CCDC178: variants seen among roughly 807,000 people sequenced by gnomAD.
The protein encoded by CCDC178 is coiled-coil domain containing 178.
A neutral mutation model predicts 117.4 loss-of-function variants in CCDC178; 126 were observed. The ratio of observed to expected loss-of-function variants is 1.07; its 90% CI spans 0.93 to 1.24. The LOEUF (loss-of-function observed/expected upper bound fraction) is 1.24, where lower values mean the gene tolerates loss of function less well. Among genes scored for constraint, CCDC178 ranks in the 50% most tolerant of loss-of-function variants. The pLI, the probability that CCDC178 is intolerant of heterozygous loss-of-function variation, is 0.00. For synonymous variants in CCDC178, 283 were observed against 313.4 expected (o/e 0.90, Z 1.02); for missense variants, 1,030 against 986.9 (o/e 1.04, Z -0.59).
chr18:33,231,166 C>T (rs2059363432), intron 15 of CCDC178, among the ~76,000 whole-genome samples: 1 of 152,148 alleles, frequency 6.6e-6, no homozygotes, highest in Non-Finnish European at 1.5e-5. Flanking sequence ...ATGAGACAAA[C>T]ATAGACCATG....
At chr18:33,076,706 G>A (rs904656150) in intron 21 of CCDC178, among the ~76,000 whole-genome samples, 7 of 152,104 alleles carry the variant, frequency 4.6e-5, no homozygotes, top group South Asian at 2.1e-4. Context: ...GGGAGGAGGC[G>A]GTAGTGCATC....
intron 21 of CCDC178, among the ~76,000 whole-genome samples, chr18:33,056,491 A>C (rs1296727376): frequency 6.6e-6 from 1 of 152,194 alleles, no homozygotes; most frequent in East Asian, 1.9e-4. Context: ...CCCCTATTAA[A>C]AATGATTTTT....
At chr18:33,322,228 T>C (rs551812298) in intron 11 of CCDC178, among the ~76,000 whole-genome samples, 50 of 151,994 alleles carry the variant, frequency 3.3e-4, no homozygotes, top group Non-Finnish European at 5.0e-4. Context: ...AAAAAATTAA[T>C]AAATGGAGCA....
intron 21 of CCDC178, among the ~76,000 whole-genome samples, chr18:32,995,000 T>C (rs113839754): frequency 7.9e-4 from 121 of 152,350 alleles, no homozygotes; most frequent in African/African-American, 2.6e-3. Flanking sequence ...ATTTTGATGA[T>C]AGCAGCTCAG....
At chr18:33,415,870 G>T (rs891640343) in intron 2 of CCDC178, among the ~76,000 whole-genome samples, 16 of 152,086 alleles carry the variant, frequency 1.1e-4, no homozygotes, top group Non-Finnish European at 1.9e-4. Context: ...AGACTGAAAG[G>T]TGTAGAGAAG....
chr18:32,938,106 G>A lies in CCDC178; in HGVS notation c.2524-15C>T. The stretch of plus-strand genomic sequence containing the variant: ...GAAGATTCCTCCTGTTCAGAAGCAA[G>A]AAACAAACAAAATCAATAAGTACTC... On this transcript the variant is annotated splice_polypyrimidine_tract_variant and intron_variant, in intron 22 of 22. Transcript: ENST00000383096. 1.3e-6 allele frequency: 2 copies of A among 1,578,618 alleles called. No individual in the cohort carries two copies. Among genetic ancestry groups the A allele is most frequent in the Non-Finnish European group, 1.7e-6 (2 of 1,148,172 alleles).
At chr18:33,258,131 C>A (rs1313079238) in intron 14 of CCDC178, among the ~76,000 whole-genome samples, 1 of 151,942 alleles carries the variant, frequency 6.6e-6, no homozygotes, top group Non-Finnish European at 1.5e-5. Context: ...TTAAATGCAC[C>A]AAAGTCCATC....
chr18:33,008,719 T>C (rs555869061), intron 21 of CCDC178, among the ~76,000 whole-genome samples: 9 of 152,208 alleles, frequency 5.9e-5, no homozygotes, highest in African/African-American at 2.2e-4. Context: ...TTCATTGATA[T>C]AATTCTGTTA....
chr18:33,303,611 C>G (rs973688897), intron 11 of CCDC178, among the ~76,000 whole-genome samples: 2 of 151,238 alleles, frequency 1.3e-5, no homozygotes, highest in Admixed American at 1.3e-4. Flanking sequence ...TAAAAGGGAG[C>G]TTTCTAAACT....
At chr18:33,007,714 T>C (rs1050050415) in intron 21 of CCDC178, among the ~76,000 whole-genome samples, 2 of 152,134 alleles carry the variant, frequency 1.3e-5, no homozygotes, top group African/African-American at 2.4e-5. Context: ...TTGGTGGCTA[T>C]TATATTCCTA....
intron 20 of CCDC178, among the ~76,000 whole-genome samples, chr18:33,133,944 A>T (rs984686670): frequency 1.3e-5 from 2 of 152,002 alleles, no homozygotes; most frequent in African/African-American, 4.8e-5. Flanking sequence ...AGTAGTTCAT[A>T]TGATGTCGGC....
At chr18:33,052,485 T>G (rs553510107) in intron 21 of CCDC178, among the ~76,000 whole-genome samples, 4 of 152,294 alleles carry the variant, frequency 2.6e-5, no homozygotes, top group African/African-American at 7.2e-5. Flanking sequence ...AAAGAGAGTC[T>G]CTTGTTATTT....
chr18:33,235,413 C>T (rs1428949313), intron 15 of CCDC178, among the ~76,000 whole-genome samples: 1 of 152,144 alleles, frequency 6.6e-6, no homozygotes. Context: ...AAACTCTACA[C>T]AGTCACCTAA....
chr18:33,246,174 TA>T (rs2059546590), intron 14 of CCDC178, among the ~76,000 whole-genome samples: 1 of 151,916 alleles, frequency 6.6e-6, no homozygotes, highest in South Asian at 2.1e-4. Context: ...TCACTATTTT[TA>T]AGCACTCCAT....
intron 21 of CCDC178, among the ~76,000 whole-genome samples, chr18:32,979,627 G>T (rs1024673545): frequency 6.6e-6 from 1 of 152,084 alleles, no homozygotes; most frequent in Non-Finnish European, 1.5e-5. Context: ...AAATCTGGAG[G>T]TATAATGTGG....
At chr18:33,251,708 A>C (rs922444191) in intron 14 of CCDC178, among the ~76,000 whole-genome samples, 2 of 151,748 alleles carry the variant, frequency 1.3e-5, no homozygotes, top group African/African-American at 4.8e-5. Flanking sequence ...GTGGTATTCA[A>C]GTAACTGTGG....
intron 14 of CCDC178, among the ~76,000 whole-genome samples, chr18:33,256,803 C>G (rs1279112459): frequency 6.6e-6 from 1 of 151,968 alleles, no homozygotes; most frequent in African/African-American, 2.4e-5. Flanking sequence ...TTCTACTATT[C>G]AATTAATAGA....
chr18:33,075,859 C>T (rs911563764), intron 21 of CCDC178, among the ~76,000 whole-genome samples: 29 of 152,226 alleles, frequency 1.9e-4, no homozygotes, highest in African/African-American at 7.0e-4. Context: ...ATCCCAGCTA[C>T]TCGGGAGGCT....
chr18:33,301,128 C>A (rs2144908094), intron 11 of CCDC178, among the ~76,000 whole-genome samples: 1 of 152,332 alleles, frequency 6.6e-6, no homozygotes, highest in East Asian at 1.9e-4. Flanking sequence ...CACAGCTGCT[C>A]CAGCTACAAT....
Sources: allele counts gnomAD v4.1 joint callset (sites outside exome capture counted in the v4.1 genomes callset), GRCh38; gene constraint gnomAD v4.1.1; transcripts MANE v1.5; gene names NCBI Gene and HGNC (gene_info 2026-07-23, HGNC 2026-07-21).